Variants in SYTL3 observed in about 807,000 individuals in gnomAD.
The protein encoded by SYTL3 is synaptotagmin-like protein 3.
SYTL3 carries 88 observed loss-of-function variants against 82.1 expected under a neutral mutation model. The observed-to-expected ratio is 1.07, with a 90% confidence interval of 0.90 to 1.28. The LOEUF is 1.28. SYTL3 is among the 50% of genes most tolerant of loss of function. SYTL3 has a pLI of 0.00. For synonymous variants in SYTL3, 311 were observed against 289.4 expected, an observed-to-expected ratio of 1.07 and a Z score of -0.76; for missense variants, 831 against 757.6, an observed-to-expected ratio of 1.10 and a Z score of -1.14.
chr6:158,673,517 GCCAGCTCCACCTC>G (rs1362002042), intron 5 of SYTL3, among the ~76,000 whole-genome samples: 2 of 148,136 alleles, frequency 1.4e-5, no homozygotes, highest in Non-Finnish European at 3.0e-5. Flanking sequence ...TCGGCTCACT[GCCAGCTCCACCTC>G]CCAGGTTCAC....
At chr6:158,757,424 G>C (rs370695533) in intron 14 of SYTL3, 43 bp downstream of exon 14, 1 of 1,596,088 alleles carries the variant, frequency 6.3e-7, no homozygotes, top group South Asian at 1.1e-5. Context: ...TCCCCACTGT[G>C]ATAGATAAAT....
At chr6:158,676,374 C>G (rs1290076624) in intron 5 of SYTL3, among the ~76,000 whole-genome samples, 1 of 152,092 alleles carries the variant, frequency 6.6e-6, no homozygotes, top group East Asian at 1.9e-4. Context: ...GAAACTGGAT[C>G]CCTTCCTTAC....
At chr6:158,750,355 G>T (rs921302467) in intron 12 of SYTL3, among the ~76,000 whole-genome samples, 8 of 152,190 alleles carry the variant, frequency 5.3e-5, no homozygotes, top group Non-Finnish European at 1.0e-4. Flanking sequence ...AAGCTGGGGG[G>T]CAGGGGTACA....
intron 9 of SYTL3, among the ~76,000 whole-genome samples, chr6:158,714,708 G>C (rs1388694266): frequency 6.6e-6 from 1 of 152,138 alleles, no homozygotes; most frequent in Non-Finnish European, 1.5e-5. Context: ...TGTGCTCAAG[G>C]GTCCTTAGGC....
chr6:158,730,385 G>T (rs1208799113), intron 11 of SYTL3, among the ~76,000 whole-genome samples: 3 of 152,200 alleles, frequency 2.0e-5, no homozygotes, highest in Admixed American at 1.3e-4. Context: ...AAATTGCCCT[G>T]CTAAAAAAAC....
rs780220230 is a variant in SYTL3 at position 158,760,660 on chromosome 6, C to T, written c.1329C>T (p.Ser443=). The T allele has an allele frequency of 1.1e-5, 17 of 1,613,942 alleles. No homozygotes were observed. Among genetic ancestry groups the T allele is most frequent in the East Asian group, 4.5e-5 (2 of 44,866 alleles). Residue 443 remains serine, a synonymous_variant, in exon 15 of 18, where the codon AGC becomes AGT. Transcript: ENST00000611299. ...CCCAGGCGGAGAAATACGAAGACAGCGTTCCTCAGAGTAATGGAGAGCTCA... is the reference window on the plus strand; with the variant it reads ...CCCAGGCGGAGAAATACGAAGACAGTGTTCCTCAGAGTAATGGAGAGCTCA... ...LRAKAEKYED[S]VPQSNGELTV...
intron 8 of SYTL3, among the ~76,000 whole-genome samples, chr6:158,709,486 G>GT (rs1782522105): frequency 6.6e-6 from 1 of 152,108 alleles, no homozygotes; most frequent in East Asian, 1.9e-4. Flanking sequence ...TCAAACCATC[G>GT]TAAGTCAGGG....
At chr6:158,693,840 C>CTTT (rs1780223027) in intron 6 of SYTL3, among the ~76,000 whole-genome samples, 1 of 87,512 alleles carries the variant, frequency 1.1e-5, no homozygotes, top group African/African-American at 6.3e-5. Flanking sequence ...TGCATCCAGC[C>CTTT]TTTCTTTTTC....
intron 11 of SYTL3, among the ~76,000 whole-genome samples, chr6:158,737,336 A>C (rs1260027913): frequency 6.6e-6 from 1 of 152,302 alleles, no homozygotes; most frequent in East Asian, 1.9e-4. Context: ...ATCACTCACC[A>C]TCTTAACCAC....
chr6:158,728,126 G>A (rs372969984), intron 11 of SYTL3, among the ~76,000 whole-genome samples: 1 of 152,260 alleles, frequency 6.6e-6, no homozygotes, highest in South Asian at 2.1e-4. Flanking sequence ...TTGGCAGCAT[G>A]TTCTTTTACG....
chr6:158,656,656 T>C (rs1227062966), intron 2 of SYTL3, among the ~76,000 whole-genome samples: 5 of 150,678 alleles, frequency 3.3e-5, no homozygotes, highest in Non-Finnish European at 7.4e-5. Flanking sequence ...ACCCGGGAGG[T>C]GGAGCTTGCA....
intron 6 of SYTL3, among the ~76,000 whole-genome samples, chr6:158,704,319 C>A (rs930093532): frequency 6.6e-6 from 1 of 152,248 alleles, no homozygotes; most frequent in South Asian, 2.1e-4. Flanking sequence ...GTGCAACGTT[C>A]CCTCTCCAGC....
At chr6:158,758,328 C>T (rs1054398349) in intron 14 of SYTL3, among the ~76,000 whole-genome samples, 1 of 152,028 alleles carries the variant, frequency 6.6e-6, no homozygotes, top group Non-Finnish European at 1.5e-5. Flanking sequence ...GTCCCAGCTG[C>T]TCTGGAGGCT....
chr6:158,749,587 C>G (rs1380868360), intron 12 of SYTL3, among the ~76,000 whole-genome samples: 1 of 131,184 alleles, frequency 7.6e-6, no homozygotes, highest in African/African-American at 2.9e-5. Context: ...CTGAGCTCAA[C>G]TGGTCCTACT....
intron 8 of SYTL3, among the ~76,000 whole-genome samples, chr6:158,712,689 T>A (rs1241580152): frequency 6.6e-6 from 1 of 152,004 alleles, no homozygotes; most frequent in Non-Finnish European, 1.5e-5. Context: ...GAGATTATGA[T>A]CCAAACCCAA....
intron 11 of SYTL3, among the ~76,000 whole-genome samples, chr6:158,742,769 T>C (rs548151567): frequency 6.6e-6 from 1 of 152,056 alleles, no homozygotes; most frequent in Admixed American, 6.6e-5. Flanking sequence ...TTAGTAGATA[T>C]GGGGTTTCAC....
intron 5 of SYTL3, among the ~76,000 whole-genome samples, chr6:158,674,095 A>AATAATAATAATAATAAT (rs1554244697): frequency 1.5e-5 from 2 of 137,470 alleles, no homozygotes; most frequent in East Asian, 2.2e-4. Flanking sequence ...AAATAATAAT[A>AATAATAATAATAATAAT]ATAATAATAA....
intron 17 of SYTL3, among the ~76,000 whole-genome samples, chr6:158,763,845 C>T (rs553720830): frequency 6.6e-6 from 1 of 152,264 alleles, no homozygotes; most frequent in South Asian, 2.1e-4. Context: ...AATGGCAATT[C>T]AGAAAGTACT....
In SYTL3 at chr6:158,683,102, C is replaced by T. The variant is rs56313208; in HGVS notation, c.394+113C>T. The stretch of plus-strand genomic sequence containing the variant: ...CATGATGGGTGTAGTCTGCGGGCCC[C>T]TATGTCTTGCCATTCCATTTGCTGA... On this transcript the variant is annotated intron_variant, in intron 6 of 17. Transcript: ENST00000611299. 1,706 of 714,766 alleles carry T rather than the reference C, an allele frequency of 2.4e-3. 22 individuals carry two copies. In the African/African-American group the frequency reaches 0.026, roughly 11 times the overall value. The allele number at this position is 714,766 out of a possible 1,614,324, so 44.3% of individuals were successfully genotyped here. A position where few individuals can be genotyped will look rare whatever the true frequency, so the allele number is the denominator to read the frequency against.
Sources: gnomAD v4.1 joint callset for allele counts (sites outside exome capture counted in the v4.1 genomes callset) on GRCh38, gnomAD v4.1.1 for gene constraint, MANE v1.5 for transcripts, NCBI Gene and HGNC (gene_info 2026-07-23, HGNC 2026-07-21) for gene names.